FRMD4A: variants seen among roughly 807,000 people sequenced by gnomAD.
FRMD4A encodes FERM domain containing 4A.
FRMD4A carries 29 observed loss-of-function variants against 129.1 expected under a neutral mutation model. The ratio of observed to expected loss-of-function variants is 0.22; its 90% CI spans 0.17 to 0.31. The LOEUF (loss-of-function observed/expected upper bound fraction) is 0.31, where lower values mean the gene tolerates loss of function less well. Among genes scored for constraint, FRMD4A ranks in the 10% least tolerant of loss-of-function variants. The probability of loss-of-function intolerance (pLI) is 1.00; values close to 1 mark genes in which losing one functional copy is unlikely to be tolerated. For missense variants in FRMD4A, 1,272 were observed against 1,375.8 expected, an observed-to-expected ratio of 0.92 and a Z score of 1.19; for synonymous variants, 634 against 571.6, an observed-to-expected ratio of 1.11 and a Z score of -1.56.
chr10:13,660,327 G>T lies in FRMD4A; in HGVS notation c.1887C>A (p.His629Gln). Residue 629 changes from histidine to glutamine, a missense_variant, in exon 20 of 25, where the codon CAC (histidine) becomes CAA (glutamine). This residue lies in a region of FRMD4A where 972 missense variants were observed against 892.3 expected (regional missense o/e 1.09). Coordinates refer to ENST00000357447, the MANE Select transcript of FRMD4A (RefSeq NM_018027.5). Reference sequence around the variant, plus strand: ...ACGATGCAGCTCACCTGGAATGGCTGTGAGAGGAGCGCTTCTTGACCTTCT... The same window carrying T: ...ACGATGCAGCTCACCTGGAATGGCTTTGAGAGGAGCGCTTCTTGACCTTCT... ...PYEKVKKRSSHSHSSSHKRFP... is the reference protein window; with the variant it reads ...PYEKVKKRSSQSHSSSHKRFP... The T allele has an allele frequency of 1.2e-6, 2 of 1,609,768 alleles. No homozygotes were observed. Among genetic ancestry groups the T allele is most frequent in the Non-Finnish European group, 1.7e-6 (2 of 1,176,050 alleles).
At chr10:13,851,739 A>C (rs1022364885) in intron 3 of FRMD4A, among the ~76,000 whole-genome samples, 1 of 151,822 alleles carries the variant, frequency 6.6e-6, no homozygotes, top group Admixed American at 6.6e-5. Flanking sequence ...GTCTCTACTA[A>C]AAATACAAAA....
rs532188148 is a variant in FRMD4A, at chr10:13,691,483, C to T, written c.1117+2415G>A. Among the ~76,000 whole-genome samples, 13 of 152,270 alleles carry T rather than the reference C, an allele frequency of 8.5e-5. 1 individual carries two copies. In the South Asian group the frequency reaches 2.1e-3, roughly 24 times the overall value. On this transcript the variant is annotated intron_variant, in intron 15 of 24. Transcript: ENST00000357447. ...CTGGGCACACCTGGGTTCTATGAGCCTGGGCAACACACCCACCCCAAGCTT... is the reference window on the plus strand; with the variant it reads ...CTGGGCACACCTGGGTTCTATGAGCTTGGGCAACACACCCACCCCAAGCTT...
At chr10:14,004,804 G>T (rs2095655940) in intron 2 of FRMD4A, among the ~76,000 whole-genome samples, 1 of 152,086 alleles carries the variant, frequency 6.6e-6, no homozygotes, top group Non-Finnish European at 1.5e-5. Context: ...TAGTTAAAGA[G>T]TAAATAGTAA....
At chr10:13,989,190 C>T (rs540189992) in intron 2 of FRMD4A, among the ~76,000 whole-genome samples, 109 of 152,172 alleles carry the variant, frequency 7.2e-4, no homozygotes, top group African/African-American at 2.5e-3. Context: ...TGCGTCTTAG[C>T]GGTAGTGGCT....
rs953557494 is a variant in FRMD4A, at chr10:13,671,321, G to T, written c.1252-793C>A. ...ATACAAAAATTAGCTGGGCGTGGTGGTAAGCACCTGTAATCCCAGCTACTT... is the reference window on the plus strand; with the variant it reads ...ATACAAAAATTAGCTGGGCGTGGTGTTAAGCACCTGTAATCCCAGCTACTT... On this transcript the variant is annotated intron_variant, in intron 16 of 24. Transcript: ENST00000357447. 2.0e-5 allele frequency among the ~76,000 whole-genome samples: 3 copies of T among 152,216 alleles called. No individual in the cohort carries two copies. The East Asian group carries it at 5.8e-4, about 29-fold the overall frequency.
chr10:14,241,813 G>T (rs987661832), intron 2 of FRMD4A, among the ~76,000 whole-genome samples: 3 of 149,316 alleles, frequency 2.0e-5, no homozygotes, highest in African/African-American at 7.4e-5. Flanking sequence ...GGAGTTTGTT[G>T]TCCATCTGCC....
chr10:13,931,921 C>A (rs971208055), intron 2 of FRMD4A, among the ~76,000 whole-genome samples: 1 of 152,068 alleles, frequency 6.6e-6, no homozygotes, highest in African/African-American at 2.4e-5. Flanking sequence ...TGCACTCCAG[C>A]CTGGGCAATA....
chr10:13,965,000 T>G (rs2095476264), intron 2 of FRMD4A, among the ~76,000 whole-genome samples: 1 of 151,890 alleles, frequency 6.6e-6, no homozygotes, highest in Non-Finnish European at 1.5e-5. Flanking sequence ...TGCCTCTTCC[T>G]ATGTTGATTT....
At chr10:13,803,656 C>CA (rs34169094) in intron 4 of FRMD4A, among the ~76,000 whole-genome samples, 151,168 of 152,312 alleles carry the variant, frequency 0.99, 75,032 homozygotes, top group East Asian at 1. Context: ...TCTTTTCTAG[C>CA]GCTTCTACAC....
In FRMD4A at chr10:13,754,884, C is replaced by T. The variant is rs1420112230; in HGVS notation, c.464+6763G>A. On this transcript the variant is annotated intron_variant, in intron 8 of 24. Transcript: ENST00000357447. ...TATTTCTCGTACCATATGATCATGC[C>T]AGCTGTTTATTTTCAAGTGGTCAAT... is the stretch of plus-strand genomic sequence containing the variant. 2.0e-5 allele frequency among the ~76,000 whole-genome samples: 3 copies of T among 152,134 alleles called. No individual in the cohort carries two copies. The East Asian group carries it at 5.8e-4, about 29-fold the overall frequency.
intron 2 of FRMD4A, among the ~76,000 whole-genome samples, chr10:14,176,439 A>G (rs189367364): frequency 4.3e-5 from 6 of 138,318 alleles, no homozygotes; most frequent in African/African-American, 1.3e-4. Context: ...AAATGTCTCC[A>G]CGAGAATCTC....
intron 2 of FRMD4A, among the ~76,000 whole-genome samples, chr10:14,190,718 ATTGCAAGTC>A (rs1842291026): frequency 1.3e-5 from 2 of 152,160 alleles, no homozygotes; most frequent in African/African-American, 2.4e-5. Context: ...AAAGCTTTAT[ATTGCAAGTC>A]TACTCACAAG....
chr10:13,979,035 C>A (rs2095551698), intron 2 of FRMD4A, among the ~76,000 whole-genome samples: 1 of 152,176 alleles, frequency 6.6e-6, no homozygotes, highest in South Asian at 2.1e-4. Context: ...ACCAGAGCCG[C>A]CTGAATTAAA....
chr10:14,297,059 A>G (rs941336980), intron 2 of FRMD4A, among the ~76,000 whole-genome samples: 2 of 152,086 alleles, frequency 1.3e-5, no homozygotes, highest in Non-Finnish European at 2.9e-5. Context: ...CCTATTTGTC[A>G]TCTCCCACCA....
intron 2 of FRMD4A, among the ~76,000 whole-genome samples, chr10:14,185,645 A>C (rs550176761): frequency 1.2e-4 from 19 of 152,220 alleles, no homozygotes; most frequent in South Asian, 4.1e-4. Flanking sequence ...AGAGAGCTGC[A>C]GGGGCGGTTG....
intron 12 of FRMD4A, among the ~76,000 whole-genome samples, chr10:13,715,591 C>G (rs564052346): frequency 2.4e-4 from 36 of 152,152 alleles, no homozygotes; most frequent in African/African-American, 7.7e-4. Context: ...AAAATGGTGC[C>G]TGGTACATAG....
chr10:13,925,838 C>T (rs985106924), intron 2 of FRMD4A, among the ~76,000 whole-genome samples: 1 of 150,616 alleles, frequency 6.6e-6, no homozygotes, highest in African/African-American at 2.4e-5. Flanking sequence ...CCACCTCGGC[C>T]TCCCAGAGTG....
At chr10:14,116,694 A>G (rs901985420) in intron 2 of FRMD4A, among the ~76,000 whole-genome samples, 5 of 152,226 alleles carry the variant, frequency 3.3e-5, no homozygotes, top group African/African-American at 1.2e-4. Context: ...ATGCCATGTT[A>G]TAAAAATACT....
At chr10:14,291,127 T>C (rs1193814952) in intron 2 of FRMD4A, among the ~76,000 whole-genome samples, 1 of 152,166 alleles carries the variant, frequency 6.6e-6, no homozygotes, top group Admixed American at 6.5e-5. Context: ...CTATTTTCAA[T>C]TTTTATAAAG....
Sources: gnomAD v4.1 joint callset for allele counts (sites outside exome capture counted in the v4.1 genomes callset) on GRCh38, gnomAD v4.1.1 for gene constraint, gnomAD v4.1.1 regional missense constraint, MANE v1.5 for transcripts, NCBI Gene and HGNC (gene_info 2026-07-23, HGNC 2026-07-21) for gene names.